SLCO3A1: variants seen among roughly 807,000 people sequenced by gnomAD.
The protein encoded by SLCO3A1 is solute carrier organic anion transporter family member 3A1, also known as PGE1 transporter.
In SLCO3A1, 27 loss-of-function variants were observed where a neutral mutation model predicts 63.1. That is an observed-to-expected ratio of 0.43 (90% confidence interval 0.32 to 0.59). The LOEUF is 0.59. Ranked by LOEUF, SLCO3A1 falls within the 20% of genes least tolerant of loss-of-function variation. SLCO3A1 has a pLI of 0.09. For synonymous variants in SLCO3A1, 473 were observed against 409.9 expected (o/e 1.15, Z -1.86); for missense variants, 773 against 945.8 (o/e 0.82, Z 2.40).
intron 1 of SLCO3A1, among the ~76,000 whole-genome samples, chr15:91,880,401 C>CTGTG (rs796110200): frequency 1.1e-4 from 15 of 133,482 alleles, no homozygotes; most frequent in African/African-American, 4.4e-4. Context: ...CTCTCTCTCT[C>CTGTG]TCTCTCTCTG....
chr15:92,114,050 G>C (rs956670320), intron 4 of SLCO3A1, among the ~76,000 whole-genome samples: 1 of 152,140 alleles, frequency 6.6e-6, no homozygotes, highest in Non-Finnish European at 1.5e-5. Context: ...GAAGCAATGG[G>C]GGCGTTCTTT....
intron 1 of SLCO3A1, among the ~76,000 whole-genome samples, chr15:91,870,478 A>G (rs1345945343): frequency 6.6e-6 from 1 of 152,212 alleles, no homozygotes; most frequent in African/African-American, 2.4e-5. Context: ...TTGACAGATA[A>G]TTTAATTCTG....
At position 91,897,671 on chromosome 15, in the gene SLCO3A1, G is replaced by C. The variant is rs961024862; in HGVS notation, c.181-18322G>C. On this transcript the variant is annotated intron_variant, in intron 1 of 9. Coordinates refer to ENST00000318445, the MANE Select transcript of SLCO3A1 (RefSeq NM_013272.4). The surrounding 1 kb of genome is among the most constrained non-coding windows in gnomAD (Gnocchi z 4.7). ...ATGCTGGGACTGTCCTCTTGATAAA[G>C]TTAGTCTCCCTGGACAGTGGCGGCA... Among the ~76,000 whole-genome samples, 1 of 152,184 alleles carries C rather than the reference G, an allele frequency of 6.6e-6. No homozygotes were observed. The highest frequency in any genetic ancestry group is 2.4e-5 in the African/African-American group (1 of 41,440).
chr15:92,129,519 T>G (rs1424134770), intron 7 of SLCO3A1, among the ~76,000 whole-genome samples: 1 of 152,210 alleles, frequency 6.6e-6, no homozygotes, highest in Non-Finnish European at 1.5e-5. Context: ...CTCTTTCTCC[T>G]AAAGACATTG....
intron 2 of SLCO3A1, among the ~76,000 whole-genome samples, chr15:92,061,276 C>G (rs548319575): frequency 6.6e-6 from 1 of 152,312 alleles, no homozygotes; most frequent in South Asian, 2.1e-4. Flanking sequence ...ATGCCCACAG[C>G]TCAGCCCTAA....
chr15:92,105,795 G>A (rs2047660870), intron 4 of SLCO3A1, among the ~76,000 whole-genome samples: 1 of 152,208 alleles, frequency 6.6e-6, no homozygotes, highest in South Asian at 2.1e-4. Context: ...CTCTGTGCAG[G>A]AATGCGGCAC....
chr15:92,117,446 G>A (rs867911427), intron 4 of SLCO3A1, among the ~76,000 whole-genome samples: 14 of 152,248 alleles, frequency 9.2e-5, no homozygotes, highest in Middle Eastern at 6.8e-3. Context: ...GCAGAGGATC[G>A]TTTTCCTGGA....
chr15:92,151,852 C>A (rs7171414), intron 9 of SLCO3A1, among the ~76,000 whole-genome samples: 115,952 of 152,220 alleles, frequency 0.76, 44,704 homozygotes, highest in African/African-American at 0.9. Context: ...CCTCATTCCA[C>A]GTATATAATC....
chr15:91,932,903 C>A (rs1335663145), intron 2 of SLCO3A1, among the ~76,000 whole-genome samples: 13 of 152,168 alleles, frequency 8.5e-5, no homozygotes, highest in Non-Finnish European at 1.9e-4. Context: ...TCATGGGACA[C>A]ATGTAGCTTT....
intron 2 of SLCO3A1, among the ~76,000 whole-genome samples, chr15:92,034,724 C>T (rs542914482): frequency 6.6e-6 from 1 of 151,908 alleles, no homozygotes; most frequent in African/African-American, 2.4e-5. Context: ...TTGGATTCAC[C>T]CACTTTCACG....
chr15:91,985,945 T>TG (rs1402305701), intron 2 of SLCO3A1, among the ~76,000 whole-genome samples: 1 of 152,126 alleles, frequency 6.6e-6, no homozygotes, highest in Non-Finnish European at 1.5e-5. Flanking sequence ...AGCCCTGGGT[T>TG]GGGGGAAGAG....
At chr15:92,094,387 G>C (rs530967466) in intron 2 of SLCO3A1, among the ~76,000 whole-genome samples, 1 of 152,318 alleles carries the variant, frequency 6.6e-6, no homozygotes, top group East Asian at 1.9e-4. Context: ...GAATTTCGGA[G>C]TCTTGAACGT....
At position 92,120,326 on chromosome 15, in the gene SLCO3A1, A is replaced by G. The variant is rs945021122; in HGVS notation, c.1010-139A>G. Reference sequence around the variant, plus strand: ...CTTATGGGGTGTAGATTTTGGCCTTAGCAACTGGGTACCTCTGGATGCTGT... The same window carrying G: ...CTTATGGGGTGTAGATTTTGGCCTTGGCAACTGGGTACCTCTGGATGCTGT... On this transcript the variant is annotated intron_variant, in intron 4 of 9. Transcript: ENST00000318445. The G allele has an allele frequency of 2.9e-5, 23 of 790,072 alleles. No individual in the cohort carries two copies. In the Admixed American group the frequency reaches 4.8e-4, roughly 16 times the overall value. The allele number at this position is 790,072 out of a possible 1,614,324, so 48.9% of individuals were successfully genotyped here. A position where few individuals can be genotyped will look rare whatever the true frequency, so the allele number is the denominator to read the frequency against.
intron 2 of SLCO3A1, among the ~76,000 whole-genome samples, chr15:92,074,957 G>C (rs957501774): frequency 1.3e-5 from 2 of 152,182 alleles, no homozygotes; most frequent in South Asian, 4.1e-4. Context: ...TGAGATGCTT[G>C]AGAAAGTTTT....
intron 2 of SLCO3A1, among the ~76,000 whole-genome samples, chr15:91,933,562 A>G (rs1219132735): frequency 6.6e-6 from 1 of 152,266 alleles, no homozygotes; most frequent in African/African-American, 2.4e-5. Flanking sequence ...CAGTATATAA[A>G]GGATCAGGAT....
intron 2 of SLCO3A1, among the ~76,000 whole-genome samples, chr15:91,949,431 A>G (rs1468462795): frequency 6.6e-6 from 1 of 152,108 alleles, no homozygotes; most frequent in Non-Finnish European, 1.5e-5. Context: ...GGAGTTTGAG[A>G]CCAGCCTGGT....
chr15:91,913,279 T>C (rs901478510), intron 1 of SLCO3A1, among the ~76,000 whole-genome samples: 1 of 152,228 alleles, frequency 6.6e-6, no homozygotes. Context: ...ACAGATGTCA[T>C]AACCCTGCTC....
chr15:92,062,415 C>T (rs2047097498), intron 2 of SLCO3A1, among the ~76,000 whole-genome samples: 1 of 152,072 alleles, frequency 6.6e-6, no homozygotes, highest in African/African-American at 2.4e-5. Context: ...CAAAGGGGCC[C>T]GAGTGCCGTG....
chr15:91,866,314 C>T (rs1225610419), intron 1 of SLCO3A1, among the ~76,000 whole-genome samples: 3 of 152,174 alleles, frequency 2.0e-5, no homozygotes, highest in Non-Finnish European at 4.4e-5. Context: ...TCCCATCCCT[C>T]ACACCCAGGA....
Sources: allele counts gnomAD v4.1 joint callset (sites outside exome capture counted in the v4.1 genomes callset), GRCh38; gene constraint gnomAD v4.1.1; non-coding constraint Gnocchi (gnomAD v3.1); transcripts MANE v1.5; gene names NCBI Gene and HGNC (gene_info 2026-07-23, HGNC 2026-07-21).